The following HPSE2 variants were observed in gnomAD, a reference collection of about 807,000 sequenced individuals.
HPSE2 encodes heparanase 2 (inactive).
HPSE2 carries 38 observed loss-of-function variants against 60.5 expected under a neutral mutation model. That is an observed-to-expected ratio of 0.63 (90% CI 0.48 to 0.82). The LOEUF (loss-of-function observed/expected upper bound fraction) is 0.82, where lower values mean the gene tolerates loss of function less well. Ranked by LOEUF, HPSE2 falls within the 40% of genes least tolerant of loss-of-function variation. The pLI is 0.00. For missense variants in HPSE2, 713 were observed against 740.4 expected (o/e 0.96, Z 0.43); for synonymous variants, 295 against 293.2 (o/e 1.01, Z -0.06).
At chr10:99,032,562 T>C (rs1424675584) in intron 3 of HPSE2, among the ~76,000 whole-genome samples, 1 of 152,194 alleles carries the variant, frequency 6.6e-6, no homozygotes, top group Non-Finnish European at 1.5e-5. Flanking sequence ...AACATATTGA[T>C]GTAGAAAAAT....
intron 6 of HPSE2, among the ~76,000 whole-genome samples, chr10:98,653,544 A>C (rs1946976751): frequency 6.6e-6 from 1 of 151,390 alleles, no homozygotes; most frequent in Admixed American, 6.6e-5. Context: ...GTTGCCCTAG[A>C]ATTTCCAATA....
At chr10:98,589,723 C>T (rs559575555) in intron 9 of HPSE2, among the ~76,000 whole-genome samples, 1 of 152,104 alleles carries the variant, frequency 6.6e-6, no homozygotes, top group Non-Finnish European at 1.5e-5. Context: ...ACCATCCAGA[C>T]TGCTCTCCCT....
rs888991232 is a variant in HPSE2, at chr10:99,232,302, G to A, written c.448+46C>T. On this transcript the variant is annotated intron_variant, in intron 2 of 11. Coordinates refer to ENST00000370552, the MANE Select transcript of HPSE2 (RefSeq NM_021828.5). ...ACACAGATACACAAACACAGCGGGT[G>A]CTTGCTTCCGCTCCCCAAATAAAGA... 47 of 1,543,318 alleles carry A rather than the reference G, an allele frequency of 3.0e-5. No homozygotes were observed. The Admixed American group carries it at 9.0e-4, about 30-fold the overall frequency.
chr10:98,738,430 T>A (rs550792734), intron 4 of HPSE2, among the ~76,000 whole-genome samples: 54 of 152,216 alleles, frequency 3.5e-4, no homozygotes, highest in African/African-American at 1.3e-3. Flanking sequence ...AGACTTCATG[T>A]CTAAAACACC....
intron 3 of HPSE2, among the ~76,000 whole-genome samples, chr10:98,970,090 T>C (rs60823716): frequency 0.019 from 2,928 of 152,082 alleles, 105 homozygotes; most frequent in East Asian, 0.15. Context: ...TCCTCCCAAG[T>C]AGCTGAGATT....
intron 11 of HPSE2, among the ~76,000 whole-genome samples, chr10:98,476,788 T>C (rs1272611098): frequency 6.7e-6 from 1 of 149,998 alleles, no homozygotes; most frequent in Non-Finnish European, 1.5e-5. Context: ...GGAGTCTGTC[T>C]AAAAAAAAAG....
intron 3 of HPSE2, among the ~76,000 whole-genome samples, chr10:98,917,565 C>A (rs1487947866): frequency 6.6e-6 from 1 of 152,206 alleles, no homozygotes; most frequent in African/African-American, 2.4e-5. Flanking sequence ...CAATTCTTCA[C>A]CTTTAAAAGG....
At chr10:99,066,663 C>T (rs1432054362) in intron 3 of HPSE2, among the ~76,000 whole-genome samples, 3 of 152,056 alleles carry the variant, frequency 2.0e-5, no homozygotes, top group African/African-American at 2.4e-5. Flanking sequence ...GGAAACTGCC[C>T]GCATGATTCC....
the HPSE2 span, among the ~76,000 whole-genome samples, chr10:99,313,457 A>AGAAAGCT: frequency 1.3e-4 from 20 of 152,206 alleles, no homozygotes; most frequent in African/African-American, 4.8e-4. Flanking sequence ...GGATAAGCAA[A>AGAAAGCT]GAAAGCTATT....
intron 9 of HPSE2, among the ~76,000 whole-genome samples, chr10:98,525,380 C>T (rs1054579062): frequency 2.0e-5 from 3 of 152,206 alleles, no homozygotes; most frequent in South Asian, 2.1e-4. Flanking sequence ...AACAACTCTT[C>T]GCCATCACAA....
At chr10:98,995,869 G>A (rs546757004) in intron 3 of HPSE2, among the ~76,000 whole-genome samples, 16 of 152,238 alleles carry the variant, frequency 1.1e-4, no homozygotes, top group Middle Eastern at 3.4e-3. Context: ...ATGAAAAGGT[G>A]ATCATGATTA....
intron 7 of HPSE2, among the ~76,000 whole-genome samples, chr10:98,623,135 C>A (rs539672920): frequency 4.2e-4 from 64 of 152,050 alleles, no homozygotes; most frequent in Non-Finnish European, 7.5e-4. Context: ...GAGAAAGGAG[C>A]TTTGGTTAAA....
At chr10:98,776,709 TG>T (rs1320305954) in intron 3 of HPSE2, among the ~76,000 whole-genome samples, 2 of 152,022 alleles carry the variant, frequency 1.3e-5, no homozygotes, top group Non-Finnish European at 2.9e-5. Context: ...GTGTGATTCT[TG>T]CTTGGATCCG....
chr10:99,266,888 A>G, the HPSE2 span, among the ~76,000 whole-genome samples: 20 of 152,282 alleles, frequency 1.3e-4, no homozygotes, highest in Admixed American at 2.6e-4. Context: ...GACTAGATCC[A>G]GAAGACAAAT....
Position 98,778,027 on chromosome 10 carries a change from T to A in HPSE2, c.611-33971A>T, listed in dbSNP as rs561565416. Among the ~76,000 whole-genome samples, 7 of 152,182 alleles carry A rather than the reference T, an allele frequency of 4.6e-5. No homozygotes were observed. In the East Asian group the frequency reaches 1.4e-3, roughly 30 times the overall value. ...TCTGCTTGCTATGATTTCTTCTGGT[T>A]TGGCCTTGAGGTTTCTCTCCATAGA... On this transcript the variant is annotated intron_variant, in intron 3 of 11. Coordinates refer to ENST00000370552, the MANE Select transcript of HPSE2 (RefSeq NM_021828.5).
At chr10:99,040,194 G>C (rs955555287) in intron 3 of HPSE2, among the ~76,000 whole-genome samples, 1 of 152,036 alleles carries the variant, frequency 6.6e-6, no homozygotes, top group Non-Finnish European at 1.5e-5. Flanking sequence ...TTCCATATCA[G>C]CACATATAGT....
intron 2 of HPSE2, among the ~76,000 whole-genome samples, chr10:99,181,879 T>TA (rs542791292): frequency 4.1e-4 from 61 of 147,578 alleles, no homozygotes; most frequent in Admixed American, 4.1e-4. Context: ...AAGTATAATT[T>TA]AAAAAAAAAA....
At chr10:98,898,895 A>G (rs1953576752) in intron 3 of HPSE2, among the ~76,000 whole-genome samples, 1 of 152,254 alleles carries the variant, frequency 6.6e-6, no homozygotes, top group African/African-American at 2.4e-5. Context: ...CAGTGGAGAA[A>G]GAATAGTTTG....
At chr10:99,314,785 G>A in the HPSE2 span, among the ~76,000 whole-genome samples, 1 of 152,114 alleles carries the variant, frequency 6.6e-6, no homozygotes, top group South Asian at 2.1e-4. Flanking sequence ...TAAGTAGATA[G>A]GAAAAGTGAC....
Sources: gnomAD v4.1 joint callset for allele counts (sites outside exome capture counted in the v4.1 genomes callset) on GRCh38, gnomAD v4.1.1 for gene constraint, MANE v1.5 for transcripts, NCBI Gene and HGNC (gene_info 2026-07-23, HGNC 2026-07-21) for gene names.